The following USH2A variants were observed in gnomAD, a reference collection of about 807,000 sequenced individuals.
The protein encoded by USH2A is Usher syndrome 2A (autosomal recessive, mild).
A neutral mutation model predicts 538.9 loss-of-function variants in USH2A; 443 were observed. The ratio of observed to expected loss-of-function variants is 0.82; its 90% CI spans 0.76 to 0.89. The LOEUF (loss-of-function observed/expected upper bound fraction) is 0.89, where lower values mean the gene tolerates loss of function less well. Ranked by LOEUF, USH2A falls within the 40% of genes least tolerant of loss-of-function variation. The pLI is 0.00. For missense variants in USH2A, 6,633 were observed against 6,324.8 expected, an observed-to-expected ratio of 1.05 and a Z score of -1.65; for synonymous variants, 2,413 against 2,273.5, an observed-to-expected ratio of 1.06 and a Z score of -1.75.
At chr1:216,179,746 C>G (rs2034457149) in intron 20 of USH2A, among the ~76,000 whole-genome samples, 2 of 152,048 alleles carry the variant, frequency 1.3e-5, no homozygotes, top group Admixed American at 1.3e-4. Context: ...AACACACACA[C>G]ATACATGCAC....
Position 215,879,018 on chromosome 1 carries a change from T to C in USH2A, c.8304A>G (p.Leu2768=). The part of the protein sequence containing the change: ...EIHMPDPHIT[L]TNVTSAVLSQ... ...TTAACACTGCGGAAGTCACATTGGT[T>C]AAAGTGATGTGAGGGTCAGGCATGT... is the stretch of plus-strand genomic sequence containing the variant. The change falls in exon 42 of 72, where the codon TTA becomes TTG. Residue 2768 remains leucine, a synonymous_variant. Coordinates refer to ENST00000307340, the MANE Select transcript of USH2A (RefSeq NM_206933.4). 6.2e-7 allele frequency: 1 copy of C among 1,614,004 alleles called. No individual in the cohort carries two copies.
chr1:216,334,863 T>C (rs564605811), intron 4 of USH2A, among the ~76,000 whole-genome samples: 1 of 151,884 alleles, frequency 6.6e-6, no homozygotes, highest in Admixed American at 6.6e-5. Flanking sequence ...AGTGGAGACT[T>C]CAATATCCTA....
intron 71 of USH2A, among the ~76,000 whole-genome samples, chr1:215,627,167 T>C (rs899614395): frequency 5.3e-5 from 8 of 152,138 alleles, no homozygotes; most frequent in African/African-American, 1.9e-4. Context: ...TTATTTGCTA[T>C]TAGTCAAGAA....
intron 38 of USH2A, among the ~76,000 whole-genome samples, chr1:215,922,075 A>G (rs1666112834): frequency 6.6e-6 from 1 of 152,124 alleles, no homozygotes; most frequent in Admixed American, 6.6e-5. Flanking sequence ...AGAATCCAGG[A>G]TGAAGATGTA....
chr1:215,721,531 G>A (rs1044163031), intron 61 of USH2A, among the ~76,000 whole-genome samples: 2 of 152,146 alleles, frequency 1.3e-5, no homozygotes, highest in African/African-American at 4.8e-5. Flanking sequence ...GGATAAAGTG[G>A]TTGGAGAAAA....
At chr1:216,190,395 G>T in intron 19 of USH2A, 28 bp from the exon 20 acceptor site, 4 of 1,605,018 alleles carry the variant, frequency 2.5e-6, no homozygotes, top group Non-Finnish European at 3.4e-6. Context: ...AAGAAAGAAA[G>T]AAAGAAAGAT....
Position 215,653,912 on chromosome 1 carries a change from C to T in USH2A, c.14134-3111G>A, listed in dbSNP as rs865809232. On this transcript the variant is annotated intron_variant, in intron 64 of 71. Transcript: ENST00000307340. Reference sequence around the variant, plus strand: ...AGATCCCACATAGAAAACTTTTTAGCAATATGTCCCGATCTTTTAGTTGCA... The same window carrying T: ...AGATCCCACATAGAAAACTTTTTAGTAATATGTCCCGATCTTTTAGTTGCA... Among the ~76,000 whole-genome samples, 3 of 152,036 alleles carry T rather than the reference C, an allele frequency of 2.0e-5. No homozygotes were observed. The South Asian group carries it at 6.2e-4, about 32-fold the overall frequency.
intron 42 of USH2A, 23 bp from the exon 43 acceptor site, chr1:215,877,903 A>G (rs1664816773): frequency 6.8e-6 from 11 of 1,613,236 alleles, no homozygotes; most frequent in Non-Finnish European, 9.3e-6. Context: ...ACAAGCAGGA[A>G]CATCAGGATT....
At chr1:216,139,814 T>G (rs1251094959) in intron 21 of USH2A, among the ~76,000 whole-genome samples, 4 of 152,168 alleles carry the variant, frequency 2.6e-5, no homozygotes, top group Non-Finnish European at 5.9e-5. Flanking sequence ...CTTCCCAATT[T>G]TGGGAACTTG....
At chr1:216,389,878 A>G (rs1277816803) in intron 3 of USH2A, among the ~76,000 whole-genome samples, 2 of 152,136 alleles carry the variant, frequency 1.3e-5, no homozygotes, top group African/African-American at 4.8e-5. Context: ...AAATATAGCC[A>G]TGCATTTCTA....
chr1:216,009,070 G>A (rs566942766), intron 32 of USH2A, among the ~76,000 whole-genome samples: 1 of 151,934 alleles, frequency 6.6e-6, no homozygotes, highest in South Asian at 2.1e-4. Context: ...TTATTTCTGT[G>A]CCCCGACCTC....
chr1:215,696,893 G>C (rs921948347), intron 61 of USH2A, among the ~76,000 whole-genome samples: 1 of 152,066 alleles, frequency 6.6e-6, no homozygotes, highest in African/African-American at 2.4e-5. Flanking sequence ...AATGGTAGCA[G>C]ATCTCAGTGA....
chr1:215,880,446 TA>T (rs1261393832), intron 41 of USH2A, among the ~76,000 whole-genome samples: 1 of 152,160 alleles, frequency 6.6e-6, no homozygotes, highest in African/African-American at 2.4e-5. Flanking sequence ...TTGTGAATCT[TA>T]AAAAAACTTT....
At chr1:216,116,748 G>T (rs996118184) in intron 21 of USH2A, among the ~76,000 whole-genome samples, 6 of 151,960 alleles carry the variant, frequency 3.9e-5, no homozygotes, top group South Asian at 2.1e-4. Context: ...TCGCTTCAGG[G>T]TTCTTGTACA....
intron 14 of USH2A, among the ~76,000 whole-genome samples, chr1:216,229,123 G>A (rs544147324): frequency 7.9e-5 from 12 of 151,858 alleles, no homozygotes; most frequent in Admixed American, 3.3e-4. Flanking sequence ...GAAGTGAGCC[G>A]AGATCACGCC....
chr1:216,383,802 G>A (rs2038958737), intron 3 of USH2A, among the ~76,000 whole-genome samples: 1 of 151,928 alleles, frequency 6.6e-6, no homozygotes, highest in East Asian at 1.9e-4. Flanking sequence ...AGCCTTCTGA[G>A]TAGCTGGGAC....
chr1:215,644,159 T>A (rs1014458373), intron 67 of USH2A, among the ~76,000 whole-genome samples: 1 of 152,238 alleles, frequency 6.6e-6, no homozygotes, highest in Non-Finnish European at 1.5e-5. Flanking sequence ...ACTCGCTTAT[T>A]CATTAAACAA....
intron 14 of USH2A, among the ~76,000 whole-genome samples, chr1:216,224,364 A>G (rs1392062242): frequency 6.6e-6 from 1 of 152,168 alleles, no homozygotes; most frequent in African/African-American, 2.4e-5. Flanking sequence ...TGGGTTAGAC[A>G]AACACTATAT....
chr1:216,028,718 A>T (rs952653096), intron 32 of USH2A, among the ~76,000 whole-genome samples: 3 of 152,144 alleles, frequency 2.0e-5, no homozygotes, highest in African/African-American at 7.2e-5. Context: ...ATATTAAAAC[A>T]TTTACAAAAT....
Sources: allele counts gnomAD v4.1 joint callset (sites outside exome capture counted in the v4.1 genomes callset), GRCh38; gene constraint gnomAD v4.1.1; transcripts MANE v1.5; gene names NCBI Gene and HGNC (gene_info 2026-07-23, HGNC 2026-07-21).